MAP2: variants seen among roughly 807,000 people sequenced by gnomAD.
The protein encoded by MAP2 is microtubule associated protein 2.
Under a neutral mutation model 137.6 loss-of-function variants are expected in MAP2, and 14 were observed. That is an observed-to-expected ratio of 0.10 (90% CI 0.07 to 0.16). The LOEUF is 0.16. Among genes scored for constraint, MAP2 ranks in the 10% least tolerant of loss-of-function variants. The pLI is 1.00. For synonymous variants in MAP2, 786 were observed against 782.3 expected (o/e 1.00, Z -0.08); for missense variants, 2,088 against 2,191.5 (o/e 0.95, Z 0.94).
chr2:209,701,017 G>A (rs1351530635), intron 11 of MAP2, among the ~76,000 whole-genome samples: 1 of 151,672 alleles, frequency 6.6e-6, no homozygotes, highest in Admixed American at 6.6e-5. Flanking sequence ...ATTTTTTGTT[G>A]GTATTTTAAC....
intron 1 of MAP2, among the ~76,000 whole-genome samples, chr2:209,428,096 A>C (rs1330442691): frequency 6.6e-6 from 1 of 152,264 alleles, no homozygotes; most frequent in Non-Finnish European, 1.5e-5. Context: ...AGGTGAATTC[A>C]GAATTTTAAA....
At chr2:209,711,879 T>C (rs573861158) in intron 13 of MAP2, among the ~76,000 whole-genome samples, 10 of 152,274 alleles carry the variant, frequency 6.6e-5, no homozygotes, top group Non-Finnish European at 1.0e-4. Flanking sequence ...CCATGTCCTG[T>C]TATTCTCCTC....
intron 5 of MAP2, among the ~76,000 whole-genome samples, chr2:209,665,136 G>C (rs2045726958): frequency 1.3e-5 from 2 of 152,112 alleles, no homozygotes; most frequent in South Asian, 4.2e-4. Flanking sequence ...GAAAGTATAT[G>C]GTGGAAGACT....
At chr2:209,600,432 C>A (rs1199977700) in intron 3 of MAP2, among the ~76,000 whole-genome samples, 6 of 152,114 alleles carry the variant, frequency 3.9e-5, no homozygotes, top group Non-Finnish European at 8.8e-5. Context: ...GCCTCCAGAC[C>A]CACCAGCTGC....
At chr2:209,674,537 A>G (rs2050361493) in intron 5 of MAP2, among the ~76,000 whole-genome samples, 1 of 151,706 alleles carries the variant, frequency 6.6e-6, no homozygotes, top group African/African-American at 2.4e-5. Context: ...TTGTACCCAC[A>G]TTTTCCTGAA....
At chr2:209,664,166 CTTCA>C (rs1212415429) in intron 5 of MAP2, among the ~76,000 whole-genome samples, 1 of 152,180 alleles carries the variant, frequency 6.6e-6, no homozygotes, top group Non-Finnish European at 1.5e-5. Flanking sequence ...AGAACCTGTG[CTTCA>C]TTCATCTTTC....
At chr2:209,708,643 A>G (rs1376730099) in intron 12 of MAP2, among the ~76,000 whole-genome samples, 1 of 152,132 alleles carries the variant, frequency 6.6e-6, no homozygotes, top group African/African-American at 2.4e-5. Context: ...GATTCCTTTC[A>G]CTTCAGTGGC....
intron 2 of MAP2, among the ~76,000 whole-genome samples, chr2:209,527,623 A>T (rs973661060): frequency 1.3e-5 from 2 of 152,150 alleles, no homozygotes; most frequent in African/African-American, 4.8e-5. Context: ...TTAGTGTGAC[A>T]CCATGTGTGG....
chr2:209,479,615 A>G (rs999650684), intron 1 of MAP2, among the ~76,000 whole-genome samples: 1 of 152,150 alleles, frequency 6.6e-6, no homozygotes, highest in Admixed American at 6.5e-5. Context: ...GGCGAGATAT[A>G]TGAATAAGCC....
At chr2:209,667,107 G>T (rs1019153063) in intron 5 of MAP2, among the ~76,000 whole-genome samples, 2 of 150,052 alleles carry the variant, frequency 1.3e-5, no homozygotes, top group African/African-American at 2.5e-5. Flanking sequence ...GGTATTTCTT[G>T]TATTTTATGC....
chr2:209,466,550 T>C (rs900128709), intron 1 of MAP2, among the ~76,000 whole-genome samples: 3 of 152,230 alleles, frequency 2.0e-5, no homozygotes, highest in African/African-American at 7.2e-5. Flanking sequence ...TCAAGTACTT[T>C]ACATAATCAT....
intron 1 of MAP2, among the ~76,000 whole-genome samples, 161 bp downstream of exon 1, chr2:209,424,437 CG>C (rs926169508): frequency 3.3e-5 from 5 of 152,162 alleles, no homozygotes; most frequent in Non-Finnish European, 7.3e-5. Context: ...GTGCACCTGG[CG>C]GAAGATTCGG....
In MAP2 at chr2:209,531,386, A is replaced by G. The variant is rs2065087999; in HGVS notation, c.-172+23745A>G. On this transcript the variant is annotated intron_variant, in intron 2 of 15. Transcript: ENST00000682079. Reference sequence around the variant, plus strand: ...TAGCCTTCTAAAGCCATTTAATTTGAGAAAGCATGTGTAATGCCATTTAGT... The same window carrying G: ...TAGCCTTCTAAAGCCATTTAATTTGGGAAAGCATGTGTAATGCCATTTAGT... Among the ~76,000 whole-genome samples the G allele has an allele frequency of 2.0e-5, 3 of 152,214 alleles. No individual in the cohort carries two copies. The South Asian group carries it at 6.2e-4, about 32-fold the overall frequency.
intron 7 of MAP2, among the ~76,000 whole-genome samples, chr2:209,684,026 G>A (rs1281633276): frequency 6.6e-6 from 1 of 151,870 alleles, no homozygotes; most frequent in Non-Finnish European, 1.5e-5. Flanking sequence ...CATTTACAAG[G>A]GATTTTGATG....
intron 2 of MAP2, among the ~76,000 whole-genome samples, chr2:209,526,685 C>G (rs1559278400): frequency 1.3e-5 from 2 of 148,256 alleles, no homozygotes; most frequent in Non-Finnish European, 3.0e-5. Context: ...ATACTAGATC[C>G]TTGCAGAAGT....
intron 3 of MAP2, among the ~76,000 whole-genome samples, chr2:209,598,197 G>A (rs960876145): frequency 7.3e-5 from 11 of 151,674 alleles, no homozygotes; most frequent in African/African-American, 1.9e-4. Context: ...GTAGAGATGG[G>A]GGTTTCACCA....
chr2:209,553,503 G>A (rs1468144634), intron 2 of MAP2, among the ~76,000 whole-genome samples: 2 of 152,122 alleles, frequency 1.3e-5, no homozygotes, highest in Admixed American at 6.5e-5. Flanking sequence ...ACAGGAAAGT[G>A]CTTGGTAAAC....
chr2:209,584,984 A>C (rs982464372), intron 3 of MAP2, among the ~76,000 whole-genome samples: 1 of 152,138 alleles, frequency 6.6e-6, no homozygotes, highest in Non-Finnish European at 1.5e-5. Context: ...TGCCTAGTAC[A>C]TAGCAGACAG....
intron 5 of MAP2, among the ~76,000 whole-genome samples, chr2:209,664,379 G>A (rs140656102): frequency 0.033 from 4,993 of 151,714 alleles, 266 homozygotes; most frequent in African/African-American, 0.11. Flanking sequence ...GTGAAACCCT[G>A]TCTCTACTAA....
Sources: allele counts gnomAD v4.1 joint callset (sites outside exome capture counted in the v4.1 genomes callset), GRCh38; gene constraint gnomAD v4.1.1; transcripts MANE v1.5; gene names NCBI Gene and HGNC (gene_info 2026-07-23, HGNC 2026-07-21).